Variants in TLN2 observed in about 807,000 individuals in gnomAD.
TLN2 encodes talin-2.
TLN2 carries 118 observed loss-of-function variants against 294.7 expected under a neutral mutation model. The ratio of observed to expected loss-of-function variants is 0.40; its 90% CI spans 0.34 to 0.47. The LOEUF (loss-of-function observed/expected upper bound fraction) is 0.47. Ranked by LOEUF, TLN2 falls within the 20% of genes least tolerant of loss-of-function variation. The probability of loss-of-function intolerance (pLI) is 0.84; values close to 1 mark genes in which losing one functional copy is unlikely to be tolerated. For synonymous variants in TLN2, 1,431 were observed against 1,304.5 expected, an observed-to-expected ratio of 1.10 and a Z score of -2.09; for missense variants, 3,083 against 3,282.2, an observed-to-expected ratio of 0.94 and a Z score of 1.48.
Position 62,653,253 on chromosome 15 carries a change from A to T in TLN2, c.456A>T (p.Thr152=). 1.2e-6 allele frequency: 2 copies of T among 1,613,860 alleles called. No individual in the cohort carries two copies. Among genetic ancestry groups the T allele is most frequent in the Non-Finnish European group, 1.7e-6 (2 of 1,179,952 alleles). The change falls in exon 7 of 59, where the codon ACA becomes ACT. Residue 152 remains threonine (T), a synonymous_variant. Coordinates refer to ENST00000636159, the MANE Select transcript of TLN2 (RefSeq NM_015059.3). ...CGGGCACACTCAAAAAAGACAGGACACTGTTACGAGATGAGAGGAAAATGG... is the reference window on the plus strand; with the variant it reads ...CGGGCACACTCAAAAAAGACAGGACTCTGTTACGAGATGAGAGGAAAATGG... ...EGTGTLKKDR[T]LLRDERKMEK... is the part of the protein sequence containing the mutation.
chr15:62,741,748 C>CGCGTGTGTGTGTGTGTGTGTGT lies in TLN2; in HGVS notation c.4025+980_4025+981insCGTGTGTGTGTGTGTGTGTGTG. 3.6e-3 allele frequency among the ~76,000 whole-genome samples: 468 copies of CGCGTGTGTGTGTGTGTGTGTGT among 131,148 alleles called. 3 individuals are homozygous for CGCGTGTGTGTGTGTGTGTGTGT. Among genetic ancestry groups the CGCGTGTGTGTGTGTGTGTGTGT allele is most frequent in the African/African-American group, 5.9e-3 (201 of 34,324 alleles). The allele number at this position is 131,148 out of a possible 152,430, so 86.0% of individuals were successfully genotyped here. A position where few individuals can be genotyped will look rare whatever the true frequency, so the allele number is the denominator to read the frequency against. ...TTAACTTGGTTTTTTAAAATTTGCG[C>CGCGTGTGTGTGTGTGTGTGTGT]GTGTGTGTGTGTGTGTGTGTCTTTA... On this transcript the variant is annotated intron_variant, in intron 32 of 58. Coordinates refer to ENST00000636159, the MANE Select transcript of TLN2 (RefSeq NM_015059.3).
intron 48 of TLN2, 27 bp downstream of exon 48, chr15:62,797,429 C>T: frequency 1.9e-6 from 3 of 1,560,286 alleles, no homozygotes; most frequent in Non-Finnish European, 2.6e-6. Context: ...GGGAGTGCGT[C>T]CTCCCGGTCT....
At chr15:62,428,106 A>G (rs1352870696) in intron 1 of TLN2, among the ~76,000 whole-genome samples, 1 of 152,114 alleles carries the variant, frequency 6.6e-6, no homozygotes, top group Non-Finnish European at 1.5e-5. Flanking sequence ...CTTGGGTTTC[A>G]CAGTCCCAAG....
chr15:62,742,646 C>G (rs1008222450), intron 32 of TLN2, among the ~76,000 whole-genome samples: 1 of 152,082 alleles, frequency 6.6e-6, no homozygotes, highest in Non-Finnish European at 1.5e-5. Flanking sequence ...AAAAAGCTTT[C>G]GTTGCCTTTC....
chr15:62,454,870 C>T (rs746119460), intron 1 of TLN2, among the ~76,000 whole-genome samples: 3 of 152,106 alleles, frequency 2.0e-5, no homozygotes, highest in Non-Finnish European at 2.9e-5. Context: ...AAGACCCTCC[C>T]TTCTGCTGAC....
chr15:62,532,465 T>C (rs1265288866), intron 1 of TLN2, among the ~76,000 whole-genome samples: 1 of 152,112 alleles, frequency 6.6e-6, no homozygotes, highest in Non-Finnish European at 1.5e-5. Context: ...TGTTATGTGG[T>C]TCCCAGACCC....
intron 3 of TLN2, among the ~76,000 whole-genome samples, chr15:62,631,053 C>A (rs2140886448): frequency 6.6e-6 from 1 of 152,162 alleles, no homozygotes; most frequent in Admixed American, 6.5e-5. Context: ...AGCCTTTTCT[C>A]ACCCAGGATA....
intron 1 of TLN2, among the ~76,000 whole-genome samples, chr15:62,409,996 T>A (rs2033669493): frequency 6.6e-6 from 1 of 152,136 alleles, no homozygotes. Flanking sequence ...GTGATCCCAG[T>A]ACTTTGGGAG....
At chr15:62,810,195 T>A (rs1302863431) in intron 52 of TLN2, among the ~76,000 whole-genome samples, 163 bp downstream of exon 52, 1 of 152,090 alleles carries the variant, frequency 6.6e-6, no homozygotes, top group Non-Finnish European at 1.5e-5. Context: ...GATGCACTGA[T>A]CCGGCACACT....
At chr15:62,735,725 C>T (rs2060974601) in intron 28 of TLN2, among the ~76,000 whole-genome samples, 1 of 152,084 alleles carries the variant, frequency 6.6e-6, no homozygotes, top group South Asian at 2.1e-4. Context: ...CAGTTCACCT[C>T]CTAGGTTTAT....
chr15:62,613,546 A>G (rs1158077821), intron 2 of TLN2, among the ~76,000 whole-genome samples: 1 of 152,192 alleles, frequency 6.6e-6, no homozygotes, highest in Non-Finnish European at 1.5e-5. Context: ...TCATACACCT[A>G]TCATGTGTCC....
intron 11 of TLN2, among the ~76,000 whole-genome samples, chr15:62,683,424 C>G (rs2057008071): frequency 6.7e-6 from 1 of 150,110 alleles, no homozygotes; most frequent in Non-Finnish European, 1.5e-5. Flanking sequence ...TGGTAGAATG[C>G]CTGCATTCTC....
chr15:62,805,725 C>T lies in TLN2; in HGVS notation c.6603C>T (p.Asp2201=), dbSNP rs1056383584. The T allele has an allele frequency of 5.6e-6, 9 of 1,613,936 alleles. No individual in the cohort carries two copies. The highest frequency in any genetic ancestry group is 2.2e-5 in the South Asian group (2 of 91,072). The change falls in exon 51 of 59, where the codon GAC becomes GAT. Residue 2201 remains aspartate, a synonymous_variant. Coordinates refer to ENST00000636159, the MANE Select transcript of TLN2 (RefSeq NM_015059.3). Reference sequence around the variant, plus strand: ...CTGGGAACTCATGTAGACAGGAGGACGTGATTGCTACTGCCAACCTGAGCC... The same window carrying T: ...CTGGGAACTCATGTAGACAGGAGGATGTGATTGCTACTGCCAACCTGAGCC... The part of the protein sequence containing the change: ...VAAGNSCRQE[D]VIATANLSRK...
intron 1 of TLN2, among the ~76,000 whole-genome samples, chr15:62,577,112 T>C (rs2044485908): frequency 6.6e-6 from 1 of 152,216 alleles, no homozygotes; most frequent in Non-Finnish European, 1.5e-5. Flanking sequence ...GAATTTGTTT[T>C]CTTAGGGAAA....
chr15:62,451,787 G>A (rs113782703), intron 1 of TLN2, among the ~76,000 whole-genome samples: 1 of 152,290 alleles, frequency 6.6e-6, no homozygotes, highest in African/African-American at 2.4e-5. Flanking sequence ...TGGGCTTCAC[G>A]AATGCTTTCT....
chr15:62,737,201 T>C, intron 29 of TLN2, 115 bp downstream of exon 29: 1 of 1,086,944 alleles, frequency 9.2e-7, no homozygotes, highest in South Asian at 1.5e-5. Context: ...GCAGATGTTT[T>C]CAGAAACTTC....
intron 51 of TLN2, 97 bp from the exon 52 acceptor site, chr15:62,809,828 G>T: frequency 8.6e-7 from 1 of 1,162,010 alleles, no homozygotes; most frequent in Non-Finnish European, 1.3e-6. Context: ...GCAGTTTCTT[G>T]AGGTCACCAG....
chr15:62,589,432 C>T (rs552895899), intron 1 of TLN2, among the ~76,000 whole-genome samples: 2 of 152,138 alleles, frequency 1.3e-5, no homozygotes, highest in Non-Finnish European at 2.9e-5. Flanking sequence ...TAAAGCATTC[C>T]TACCACAAGG....
At chr15:62,705,891 C>T (rs925574045) in intron 19 of TLN2, among the ~76,000 whole-genome samples, 3 of 152,234 alleles carry the variant, frequency 2.0e-5, no homozygotes, top group African/African-American at 4.8e-5. Flanking sequence ...CTGGAATAAC[C>T]TGCTCCTTTA....
Sources: allele counts gnomAD v4.1 joint callset (sites outside exome capture counted in the v4.1 genomes callset), GRCh38; gene constraint gnomAD v4.1.1; transcripts MANE v1.5; gene names NCBI Gene and HGNC (gene_info 2026-07-23, HGNC 2026-07-21).